The following CACNA1E variants were observed in gnomAD, a reference collection of about 807,000 sequenced individuals.
CACNA1E encodes the protein calcium voltage-gated channel subunit alpha1 E, also known as voltage-dependent R-type calcium channel subunit alpha-1E.
A neutral mutation model predicts 259.2 loss-of-function variants in CACNA1E; 40 were observed. The observed-to-expected ratio is 0.15, with a 90% CI of 0.12 to 0.20. CACNA1E has a LOEUF of 0.20. CACNA1E is among the 10% of genes least tolerant of loss of function. CACNA1E has a pLI of 1.00. For missense variants in CACNA1E, 1,874 were observed against 3,040.1 expected (o/e 0.62, Z 9.02); for synonymous variants, 1,104 against 1,138.5 (o/e 0.97, Z 0.61).
chr1:181,400,277 T>C (rs1446032958), intron 1 of CACNA1E, among the ~76,000 whole-genome samples: 30 of 152,238 alleles, frequency 2.0e-4, no homozygotes, highest in Admixed American at 2.0e-3. Flanking sequence ...AGCCAGAGGT[T>C]TTCTAGTTAA....
intron 2 of CACNA1E, among the ~76,000 whole-genome samples, chr1:181,443,766 C>T (rs1571887683): frequency 1.3e-5 from 2 of 152,128 alleles, no homozygotes; most frequent in African/African-American, 4.8e-5. Flanking sequence ...ATCCCAGGTC[C>T]GTCAAACTCC....
At chr1:181,423,662 A>ATTTTTTTTTTTTTTTTTTTTTTTT (rs11302089) in intron 2 of CACNA1E, among the ~76,000 whole-genome samples, 5 of 131,060 alleles carry the variant, frequency 3.8e-5, no homozygotes, top group African/African-American at 1.2e-4. Flanking sequence ...CATTGGGCCA[A>ATTTTTTTTTTTTTTTTTTTTTTTT]TTTTTTTTTT....
At position 181,578,532 on chromosome 1, in the gene CACNA1E, A is replaced by C. The variant is rs374961803; in HGVS notation, c.617-540A>C. On this transcript the variant is annotated intron_variant, in intron 4 of 47. Coordinates refer to ENST00000367573, the MANE Select transcript of CACNA1E (RefSeq NM_001205293.3). ...CAGTGAGCCAAGATCACGCCACTGCACTCCAGCCTTGGCGACAGACCGACA... is the reference window on the plus strand; with the variant it reads ...CAGTGAGCCAAGATCACGCCACTGCCCTCCAGCCTTGGCGACAGACCGACA... Among the ~76,000 whole-genome samples the C allele has an allele frequency of 3.3e-4, 50 of 152,322 alleles. No individual in the cohort carries two copies. In the East Asian group the frequency reaches 4.6e-3, roughly 14 times the overall value.
chr1:181,352,063 A>G (rs796219447), intron 1 of CACNA1E, among the ~76,000 whole-genome samples: 19 of 152,340 alleles, frequency 1.2e-4, no homozygotes, highest in African/African-American at 4.1e-4. Flanking sequence ...GTAAAATGCT[A>G]TCAGAGAATC....
chr1:181,746,180 G>A (rs372746467), intron 25 of CACNA1E, among the ~76,000 whole-genome samples: 1 of 152,184 alleles, frequency 6.6e-6, no homozygotes, highest in African/African-American at 2.4e-5. Context: ...CAGTGACAAC[G>A]TCAAAGTGGT....
chr1:181,756,474 G>T lies in CACNA1E; in HGVS notation c.4127+381G>T, dbSNP rs1045846557. ...AGCACCTGAAAGCCTGAGGATTGAG[G>T]GTTAAGAATGAGTTGGCAAAACCCA... On this transcript the variant is annotated intron_variant, in intron 29 of 47. Transcript: ENST00000367573. 3.9e-5 allele frequency among the ~76,000 whole-genome samples: 6 copies of T among 152,228 alleles called. No individual in the cohort carries two copies. The East Asian group carries it at 9.7e-4, about 25-fold the overall frequency.
In CACNA1E at chr1:181,731,281, G is replaced by A. The variant is rs745424039; in HGVS notation, c.2297+50G>A. 4.2e-6 allele frequency: 6 copies of A among 1,433,778 alleles called. No homozygotes were observed. The South Asian group carries it at 4.6e-5, about 11-fold the overall frequency. 88.8% of individuals were successfully genotyped at this position (1,433,778 alleles called of 1,614,324 possible). A position where few individuals can be genotyped will look rare whatever the true frequency, so the allele number is the denominator to read the frequency against. ...TTGTGAGTGGTTACGTGTGGGCGTGGGACAATGTGTCATTGTCCTTGCCAT... is the reference window on the plus strand; with the variant it reads ...TTGTGAGTGGTTACGTGTGGGCGTGAGACAATGTGTCATTGTCCTTGCCAT... On this transcript the variant is annotated intron_variant, in intron 19 of 47. Coordinates refer to ENST00000367573, the MANE Select transcript of CACNA1E (RefSeq NM_001205293.3).
At chr1:181,359,147 C>G (rs1228463135) in intron 1 of CACNA1E, among the ~76,000 whole-genome samples, 1 of 152,110 alleles carries the variant, frequency 6.6e-6, no homozygotes, top group African/African-American at 2.4e-5. Context: ...TTATGGAACA[C>G]TGGGTATGTG....
intron 6 of CACNA1E, among the ~76,000 whole-genome samples, chr1:181,587,944 C>T (rs1259789953): frequency 6.6e-6 from 1 of 152,166 alleles, no homozygotes; most frequent in Non-Finnish European, 1.5e-5. Context: ...CAAATTCAGT[C>T]TGTGGAGTAA....
At chr1:181,617,477 A>G (rs1655330025) in intron 6 of CACNA1E, among the ~76,000 whole-genome samples, 1 of 152,208 alleles carries the variant, frequency 6.6e-6, no homozygotes, top group African/African-American at 2.4e-5. Flanking sequence ...GTCCTGCAAC[A>G]AGTGAATCGG....
intron 32 of CACNA1E, among the ~76,000 whole-genome samples, chr1:181,761,673 C>T (rs892351904): frequency 3.3e-5 from 5 of 152,214 alleles, no homozygotes; most frequent in Non-Finnish European, 7.3e-5. Context: ...TTCTGTGTTA[C>T]AGACTGCCCT....
At chr1:181,372,929 T>C (rs2804715) in intron 1 of CACNA1E, among the ~76,000 whole-genome samples, 29,726 of 151,740 alleles carry the variant, frequency 0.2, 3,219 homozygotes, top group African/African-American at 0.3. Context: ...GTTTATGTAA[T>C]GAATCACGTT....
intron 3 of CACNA1E, among the ~76,000 whole-genome samples, chr1:181,551,124 T>G (rs1468004500): frequency 6.6e-6 from 1 of 152,136 alleles, no homozygotes; most frequent in Non-Finnish European, 1.5e-5. Flanking sequence ...TGTGTTTTGC[T>G]TAGAGTTAGA....
intron 16 of CACNA1E, 42 bp from the exon 17 acceptor site, chr1:181,724,428 T>A (rs1374391111): frequency 1.3e-6 from 2 of 1,559,560 alleles, no homozygotes; most frequent in Admixed American, 1.7e-5. Context: ...TGCTGAAGAC[T>A]TTTGCTTTTC....
intron 1 of CACNA1E, among the ~76,000 whole-genome samples, chr1:181,323,000 T>C (rs1040531359): frequency 6.6e-5 from 10 of 152,222 alleles, no homozygotes; most frequent in Non-Finnish European, 1.0e-4. Context: ...ATATAATTTC[T>C]AACCTGGGTA....
chr1:181,762,430 G>A (rs770506323), intron 32 of CACNA1E, 144 bp from the exon 33 acceptor site: 1 of 611,550 alleles, frequency 1.6e-6, no homozygotes, highest in Non-Finnish European at 2.9e-6. Flanking sequence ...ATGGGAAACT[G>A]AAGCCAAAGT....
At chr1:181,599,144 G>A (rs561548888) in intron 6 of CACNA1E, among the ~76,000 whole-genome samples, 84 of 151,676 alleles carry the variant, frequency 5.5e-4, no homozygotes, top group Admixed American at 1.4e-3. Flanking sequence ...CCCAGTGTGT[G>A]TTGTTCCCCC....
At chr1:181,756,132 T>C (rs1296390189) in intron 29 of CACNA1E, 39 bp downstream of exon 29, 2 of 1,578,502 alleles carry the variant, frequency 1.3e-6, no homozygotes, top group Admixed American at 3.5e-5. Flanking sequence ...GTGGCTGTGA[T>C]AGGACCCCTG....
Position 181,800,664 on chromosome 1 carries a change from T to G in CACNA1E, c.*1830T>G, listed in dbSNP as rs1484389422. On this transcript the variant is annotated 3_prime_UTR_variant, in exon 48 of 48. Transcript: ENST00000367573. Reference sequence around the variant, plus strand: ...AAACACTCCTCCAGCCCAGACACACTCCTCCTCTTGGGCAGGAGCAATCCA... The same window carrying G: ...AAACACTCCTCCAGCCCAGACACACGCCTCCTCTTGGGCAGGAGCAATCCA... The G allele has an allele frequency of 6.6e-6, 1 of 152,604 alleles. No individual in the cohort carries two copies. The highest frequency in any genetic ancestry group is 1.9e-4 in the East Asian group (1 of 5,184). The allele number at this position is 152,604 out of a possible 1,614,324, so 9.5% of individuals were successfully genotyped here.
Sources: allele counts gnomAD v4.1 joint callset (sites outside exome capture counted in the v4.1 genomes callset), GRCh38; gene constraint gnomAD v4.1.1; transcripts MANE v1.5; gene names NCBI Gene and HGNC (gene_info 2026-07-23, HGNC 2026-07-21).